ARHGAP4: variants seen among roughly 807,000 people sequenced by gnomAD.
ARHGAP4 encodes the protein rho GTPase-activating protein 4.
In ARHGAP4, 25 loss-of-function variants were observed where a neutral mutation model predicts 67.6. The observed-to-expected ratio is 0.37, with a 90% CI of 0.27 to 0.52. The LOEUF is 0.52. ARHGAP4 is among the 20% of genes least tolerant of loss of function. The pLI, the probability that ARHGAP4 is intolerant of heterozygous loss-of-function variation, is 0.92. For synonymous variants in ARHGAP4, 448 were observed against 373.7 expected (o/e 1.20, Z -2.29); for missense variants, 804 against 854.6 (o/e 0.94, Z 0.74).
At chrX:153,926,016 C>G (rs1311135351) in intron 1 of ARHGAP4, 120 bp downstream of exon 1, 1 of 1,014,552 alleles carries the variant, frequency 9.9e-7, no homozygotes, top group Middle Eastern at 2.6e-4. Flanking sequence ...CCTCCACCCC[C>G]GCTCCAGAGG....
rs1327891902 is a variant in ARHGAP4 at position 153,910,733 on chromosome X, G to A, written c.1783C>T (p.Pro595Ser). Reference sequence around the variant, plus strand: ...GCCAGCAGCTCGCCGAACAGGTCTGGGGGGAAGAGTGGGGGCTCCAGGCTC... The same window carrying A: ...GCCAGCAGCTCGCCGAACAGGTCTGAGGGGAAGAGTGGGGGCTCCAGGCTC... The part of the protein sequence containing the change: ...FRSLEPPLFP[P>S]DLFGELLASS... Residue 595 changes from proline to serine, a missense_variant, in exon 15 of 22, where the codon CCA (proline) becomes TCA (serine). Physicochemically the swap from Pro to Ser is moderately conservative, Grantham distance 74. This residue lies in a region of ARHGAP4 where 400 missense variants were observed against 348.7 expected (regional missense o/e 1.15). Transcript: ENST00000350060. 11 of 1,194,834 alleles carry A rather than the reference G, an allele frequency of 9.2e-6. No individual in the cohort carries two copies. Among genetic ancestry groups the A allele is most frequent in the Non-Finnish European group, 1.2e-5 (11 of 886,859 alleles).
chrX:153,919,541 G>A (rs2065078117), intron 5 of ARHGAP4: 1 of 1,141,576 alleles, frequency 8.8e-7, no homozygotes. Flanking sequence ...AGAAGTGGGG[G>A]ATGACACAGA....
intron 21 of ARHGAP4, among the ~76,000 whole-genome samples, chrX:153,908,759 G>C (rs1393140203): frequency 8.9e-6 from 1 of 112,086 alleles, no homozygotes; most frequent in Non-Finnish European, 1.9e-5. Context: ...CAGGTAAACA[G>C]CCTTAACTCA....
chrX:153,914,814 C>G (rs1223049617), intron 7 of ARHGAP4, among the ~76,000 whole-genome samples: 2 of 112,472 alleles, frequency 1.8e-5, no homozygotes, highest in African/African-American at 6.5e-5. Context: ...CTCACTGTAA[C>G]TGGGCAGACA....
chrX:153,921,089 T>G lies in ARHGAP4; in HGVS notation c.498+8A>C. 8.3e-7 allele frequency: 1 copy of G among 1,201,166 alleles called. No homozygotes were observed. The highest frequency in any genetic ancestry group is 1.1e-6 in the Non-Finnish European group (1 of 889,504). On this transcript the variant is annotated splice_region_variant and intron_variant, in intron 4 of 21. Coordinates refer to ENST00000350060, the MANE Select transcript of ARHGAP4 (RefSeq NM_001666.5). The stretch of plus-strand genomic sequence containing the variant: ...TTGGGGCAGGCCCCTCCCCAGCCCT[T>G]TCCTCACCGTCTGGAGCTCTGAGAC...
Position 153,910,382 on chromosome X carries a change from T to C in ARHGAP4, c.1945A>G (p.Asn649Asp). ...GCCAGGTTGTAGGGGTCCATCATGT[T>C]CTCATCGCTGTACTGGGCCAGGCTG... Reference protein sequence around the residue: ...LNHLAQYSDENMMDPYNLAVC... With the variant: ...LNHLAQYSDEDMMDPYNLAVC... Residue 649 changes from asparagine (N) to aspartate (D), a missense_variant, in exon 17 of 22, where the codon AAC becomes GAC. By Grantham distance (23) the Asn-to-Asp change is conservative. Transcript: ENST00000350060. 2 of 1,199,247 alleles carry C rather than the reference T, an allele frequency of 1.7e-6. No individual in the cohort carries two copies. The highest frequency in any genetic ancestry group is 2.3e-6 in the Non-Finnish European group (2 of 888,286).
intron 12 of ARHGAP4, among the ~76,000 whole-genome samples, chrX:153,912,124 CCTCT>C (rs782231079): frequency 2.3e-4 from 24 of 104,004 alleles, no homozygotes; most frequent in African/African-American, 3.2e-4. Flanking sequence ...TCTTTCCTTC[CCTCT>C]CTCTCTCTCT....
chrX:153,922,017 C>A, intron 1 of ARHGAP4: 1 of 891,118 alleles, frequency 1.1e-6, no homozygotes. Context: ...AGCTGTCCAG[C>A]CGACCTCTGC....
intron 6 of ARHGAP4, 47 bp from the exon 7 acceptor site, chrX:153,919,100 C>A: frequency 8.3e-7 from 1 of 1,210,297 alleles, no homozygotes; most frequent in South Asian, 1.8e-5. Context: ...GGAGCCACAG[C>A]TTCCCAGCCC....
chrX:153,910,744 G>C lies in ARHGAP4; in HGVS notation c.1772C>G (p.Pro591Arg). The C allele has an allele frequency of 8.4e-7, 1 of 1,192,562 alleles. No individual in the cohort carries two copies. Among genetic ancestry groups the C allele is most frequent in the East Asian group, 3.0e-5 (1 of 32,980 alleles). ...GCCGAACAGGTCTGGGGGGAAGAGT[G>C]GGGGCTCCAGGCTCCGGAAGTAGAG... ...LKLYFRSLEP[P>R]LFPPDLFGEL... Residue 591 changes from proline to arginine, a missense_variant, in exon 15 of 22, where the codon CCA (proline) becomes CGA (arginine). Transcript: ENST00000350060.
intron 5 of ARHGAP4, 120 bp downstream of exon 5, chrX:153,920,506 G>T: frequency 1.2e-6 from 1 of 802,533 alleles, no homozygotes; most frequent in Non-Finnish European, 1.7e-6. Context: ...GAACCTGATG[G>T]CACTGTCCTG....
intron 1 of ARHGAP4, 28 bp downstream of exon 1, chrX:153,926,108 G>A (rs782565003): frequency 4.2e-6 from 5 of 1,200,632 alleles, no homozygotes; most frequent in Non-Finnish European, 5.6e-6. Flanking sequence ...CGCAGGAAAC[G>A]GGCCGGGAGC....
chrX:153,919,408 A>T, intron 5 of ARHGAP4, 125 bp from the exon 6 acceptor site: 1 of 1,160,521 alleles, frequency 8.6e-7, no homozygotes, highest in Non-Finnish European at 1.2e-6. Context: ...GGTCAAGCCC[A>T]GAAGTCCTGC....
intron 1 of ARHGAP4, 151 bp downstream of exon 1, chrX:153,925,985 G>A (rs1237645254): frequency 1.3e-6 from 1 of 789,504 alleles, no homozygotes; most frequent in Non-Finnish European, 1.7e-6. Flanking sequence ...TCGGGAGGCA[G>A]GCAAGGGGCT....
intron 7 of ARHGAP4, 96 bp downstream of exon 7, chrX:153,918,736 T>G (rs370774904): frequency 3.2e-6 from 3 of 945,926 alleles, no homozygotes; most frequent in African/African-American, 1.9e-5. Context: ...CATGGAGAAC[T>G]TGGATTCCTG....
At chrX:153,909,557 T>A in intron 19 of ARHGAP4, 22 bp from the exon 20 acceptor site, 1 of 1,172,718 alleles carries the variant, frequency 8.5e-7, no homozygotes, top group Non-Finnish European at 1.1e-6. Context: ...AGGACCGGCC[T>A]GTTTCGAGTG....
chrX:153,912,520 G>A (rs1365688368), intron 12 of ARHGAP4, among the ~76,000 whole-genome samples, 180 bp downstream of exon 12: 2 of 112,195 alleles, frequency 1.8e-5, no homozygotes, highest in Non-Finnish European at 3.8e-5. Flanking sequence ...TTCAATCAGC[G>A]GAGGCTATAG....
chrX:153,912,505 C>T (rs1310850597), intron 12 of ARHGAP4, among the ~76,000 whole-genome samples, 195 bp downstream of exon 12: 6 of 112,288 alleles, frequency 5.3e-5, no homozygotes, highest in African/African-American at 1.9e-4. Context: ...GTTAAGGATG[C>T]TCCCTTCAAT....
intron 7 of ARHGAP4, among the ~76,000 whole-genome samples, chrX:153,915,389 T>C (rs782809074): frequency 8.9e-6 from 1 of 111,967 alleles, no homozygotes; most frequent in African/African-American, 3.2e-5. Context: ...TTTTATGCTA[T>C]GTGTATTCTG....
Sources: allele counts gnomAD v4.1 joint callset (sites outside exome capture counted in the v4.1 genomes callset), GRCh38; gene constraint gnomAD v4.1.1; regional missense constraint gnomAD v4.1.1; transcripts MANE v1.5; gene names NCBI Gene and HGNC (gene_info 2026-07-23, HGNC 2026-07-21).